The following INTS8 variants were observed in gnomAD, a reference collection of about 807,000 sequenced individuals.
INTS8 encodes protein kaonashi-1.
INTS8 carries 47 observed loss-of-function variants against 138.9 expected under a neutral mutation model. The ratio of observed to expected loss-of-function variants is 0.34; its 90% CI spans 0.27 to 0.43. The LOEUF (loss-of-function observed/expected upper bound fraction) is 0.43. Ranked by LOEUF, INTS8 falls within the 20% of genes least tolerant of loss-of-function variation. The pLI is 1.00. For synonymous variants in INTS8, 392 were observed against 400.9 expected (o/e 0.98, Z 0.27); for missense variants, 996 against 1,173.0 (o/e 0.85, Z 2.20).
intron 14 of INTS8, among the ~76,000 whole-genome samples, chr8:94,855,207 A>G (rs1377414304): frequency 6.6e-6 from 1 of 152,226 alleles, no homozygotes; most frequent in Non-Finnish European, 1.5e-5. Context: ...TCCAGTGGGA[A>G]CATAATGTAG....
chr8:94,841,174 G>A (rs1815120786), intron 8 of INTS8, among the ~76,000 whole-genome samples: 1 of 152,014 alleles, frequency 6.6e-6, no homozygotes, highest in South Asian at 2.1e-4. Context: ...GCCTCCCAAA[G>A]TGCTCAGATT....
At chr8:94,864,039 T>C (rs907999848) in intron 16 of INTS8, among the ~76,000 whole-genome samples, 6 of 152,326 alleles carry the variant, frequency 3.9e-5, no homozygotes, top group African/African-American at 1.4e-4. Flanking sequence ...CCTTAGAAGA[T>C]GTATGTGGAA....
Position 94,871,945 on chromosome 8 carries a change from C to G in INTS8, c.2476C>G (p.Leu826Val), listed in dbSNP as rs1586528811. Residue 826 changes from leucine (L) to valine (V), a missense_variant, in exon 21 of 27, where the codon CTC (leucine) becomes GTC (valine). Physicochemically the swap from Leu to Val is conservative, Grantham distance 32. Coordinates refer to ENST00000523731, the MANE Select transcript of INTS8 (RefSeq NM_017864.4). The part of the protein sequence containing the change: ...ITVKELVRYT[L>V]SINPNNHSWL... ...AGTGAAAGAGCTAGTTCGATATACA[C>G]TCAGTATAAATCCAAATAACCATTC... 6.2e-7 allele frequency: 1 copy of G among 1,609,182 alleles called. No individual in the cohort carries two copies.
chr8:94,847,672 A>G (rs1352240685), intron 10 of INTS8, among the ~76,000 whole-genome samples: 1 of 152,144 alleles, frequency 6.6e-6, no homozygotes, highest in Non-Finnish European at 1.5e-5. Context: ...TAAAGCATCT[A>G]CAGAGATGCC....
rs1563635696 is a variant in INTS8, at chr8:94,823,464, C to T, written c.33C>T (p.Ala11=). MSAEAADREA[A]TSSRPCTPPQ... is the part of the protein sequence containing the mutation. ...CGGAGGCGGCGGACCGGGAGGCGGC[C>T]ACCTCCAGCCGGCCCTGCACCCCGC... is the stretch of plus-strand genomic sequence containing the variant. The change falls in exon 1 of 27, where the codon GCC becomes GCT. Residue 11 remains alanine (A), a synonymous_variant. Coordinates refer to ENST00000523731, the MANE Select transcript of INTS8 (RefSeq NM_017864.4). The T allele has an allele frequency of 1.3e-6, 2 of 1,544,936 alleles. No individual in the cohort carries two copies. The highest frequency in any genetic ancestry group is 2.7e-5 in the African/African-American group (2 of 72,894).
At chr8:94,847,313 A>C (rs913595289) in intron 10 of INTS8, among the ~76,000 whole-genome samples, 1 of 152,148 alleles carries the variant, frequency 6.6e-6, no homozygotes, top group Non-Finnish European at 1.5e-5. Flanking sequence ...AAGTGCCTGG[A>C]TTACAGGTGT....
intron 6 of INTS8, among the ~76,000 whole-genome samples, chr8:94,834,395 G>A (rs1168171414): frequency 6.6e-6 from 1 of 150,732 alleles, no homozygotes; most frequent in African/African-American, 2.5e-5. Flanking sequence ...GTGTGTGTGT[G>A]TGTATTTTTT....
intron 5 of INTS8, among the ~76,000 whole-genome samples, chr8:94,830,886 C>T (rs1415343545): frequency 6.6e-6 from 1 of 152,134 alleles, no homozygotes; most frequent in Non-Finnish European, 1.5e-5. Flanking sequence ...CAACCTCTGC[C>T]TCCCGGGTTC....
rs777515344 is a variant in INTS8, at chr8:94,838,580, A to G, written c.979A>G (p.Ser327Gly). ...TACATCTCAACAGTTGACTCCATAT[A>G]GTCAAGTCCATATTTGTTTGAGATC... ...DSTSQQLTPY[S>G]QVHICLRSGN... The change falls in exon 8 of 27, where the codon AGT (serine) becomes GGT (glycine). Residue 327 changes from serine (S) to glycine (G), a missense_variant. Transcript: ENST00000523731. The G allele has an allele frequency of 6.2e-7, 1 of 1,613,638 alleles. No individual in the cohort carries two copies. The highest frequency in any genetic ancestry group is 1.7e-5 in the Admixed American group (1 of 60,014).
intron 26 of INTS8, 28 bp downstream of exon 26, chr8:94,876,517 G>A: frequency 7.0e-7 from 1 of 1,426,870 alleles, no homozygotes; most frequent in South Asian, 1.3e-5. Context: ...TTTCTTCAGT[G>A]GTACAGTTTC....
chr8:94,869,247 C>T (rs1816299034), intron 20 of INTS8, among the ~76,000 whole-genome samples: 1 of 151,778 alleles, frequency 6.6e-6, no homozygotes. Context: ...TCCCAAAGTG[C>T]TGGGATTAAC....
intron 4 of INTS8, 102 bp downstream of exon 4, chr8:94,827,895 G>A: frequency 1.0e-6 from 1 of 955,942 alleles, no homozygotes; most frequent in Non-Finnish European, 1.7e-6. Flanking sequence ...AGTAGAGCAG[G>A]AATAGGAGGG....
chr8:94,873,321 C>T (rs2305466), intron 21 of INTS8, 53 bp from the exon 22 acceptor site: 18,189 of 1,187,882 alleles, frequency 0.015, 307 homozygotes, highest in East Asian at 0.075. Context: ...ACAAAGGAAT[C>T]CCTGTTTTTC....
At chr8:94,856,725 T>C (rs1815759809) in intron 14 of INTS8, 52 bp from the exon 15 acceptor site, 56 of 1,487,246 alleles carry the variant, frequency 3.8e-5, no homozygotes, top group Non-Finnish European at 5.1e-5. Flanking sequence ...AAGGCACACA[T>C]TTTTTGGCGC....
chr8:94,873,244 C>A, intron 21 of INTS8, 130 bp from the exon 22 acceptor site: 1 of 756,300 alleles, frequency 1.3e-6, no homozygotes. Context: ...TACGAACTAA[C>A]ATTTTATTTC....
intron 12 of INTS8, among the ~76,000 whole-genome samples, chr8:94,850,555 T>C (rs1267898316): frequency 7.1e-6 from 1 of 141,036 alleles, no homozygotes; most frequent in Non-Finnish European, 1.5e-5. Flanking sequence ...GAGCTTGCAG[T>C]GAGCCAAGAT....
At chr8:94,832,479 G>C (rs964587913) in intron 6 of INTS8, among the ~76,000 whole-genome samples, 4 of 152,102 alleles carry the variant, frequency 2.6e-5, no homozygotes, top group African/African-American at 9.7e-5. Context: ...TCAGAAATCT[G>C]ATCAGACCAA....
intron 16 of INTS8, 85 bp downstream of exon 16, chr8:94,859,717 T>A: frequency 9.1e-7 from 1 of 1,093,732 alleles, no homozygotes; most frequent in Non-Finnish European, 1.3e-6. Flanking sequence ...GGAACTTGTC[T>A]AATTTCTGTG....
At chr8:94,860,600 A>AAAC (rs1815924421) in intron 16 of INTS8, among the ~76,000 whole-genome samples, 1 of 149,746 alleles carries the variant, frequency 6.7e-6, no homozygotes, top group African/African-American at 2.5e-5. Context: ...AAAAAAAAAA[A>AAAC]AAAACCCAAA....
Sources: allele counts gnomAD v4.1 joint callset (sites outside exome capture counted in the v4.1 genomes callset), GRCh38; gene constraint gnomAD v4.1.1; transcripts MANE v1.5; gene names NCBI Gene and HGNC (gene_info 2026-07-23, HGNC 2026-07-21).